CHN2: variants seen among roughly 807,000 people sequenced by gnomAD.
CHN2 encodes beta-chimaerin.
In CHN2, 35 loss-of-function variants were observed where a neutral mutation model predicts 56.3. The ratio of observed to expected loss-of-function variants is 0.62; its 90% CI spans 0.47 to 0.82. The LOEUF (loss-of-function observed/expected upper bound fraction) is 0.82, where lower values mean the gene tolerates loss of function less well. Ranked by LOEUF, CHN2 falls within the 40% of genes least tolerant of loss-of-function variation. The pLI, the probability that CHN2 is intolerant of heterozygous loss-of-function variation, is 0.00. For synonymous variants in CHN2, 210 were observed against 212.8 expected (o/e 0.99, Z 0.12); for missense variants, 491 against 580.5 (o/e 0.85, Z 1.58).
chr7:29,206,335 G>C (rs1707891891), intron 1 of CHN2, among the ~76,000 whole-genome samples: 1 of 152,112 alleles, frequency 6.6e-6, no homozygotes, highest in Admixed American at 6.5e-5. Flanking sequence ...AGGCTGGAGT[G>C]CAGTGGCATG....
intron 2 of CHN2, among the ~76,000 whole-genome samples, chr7:29,165,485 A>G (rs972343278): frequency 6.6e-6 from 1 of 152,102 alleles, no homozygotes; most frequent in Admixed American, 6.6e-5. Flanking sequence ...TTCCACAGTC[A>G]TGTTGTCTGT....
intron 6 of CHN2, 192 bp downstream of exon 6, chr7:29,401,020 T>A: frequency 1.7e-6 from 1 of 603,774 alleles, no homozygotes; most frequent in Non-Finnish European, 2.9e-6. Flanking sequence ...ATGCCTGTAA[T>A]CTCTTTGGGA....
At chr7:29,496,408 G>C (rs1308151581) in intron 8 of CHN2, among the ~76,000 whole-genome samples, 1 of 151,696 alleles carries the variant, frequency 6.6e-6, no homozygotes, top group Non-Finnish European at 1.5e-5. Flanking sequence ...CATAAAAATA[G>C]TAATAGTGCT....
intron 6 of CHN2, among the ~76,000 whole-genome samples, chr7:29,454,574 A>T (rs1184831016): frequency 6.6e-6 from 1 of 152,216 alleles, no homozygotes; most frequent in Non-Finnish European, 1.5e-5. Context: ...TGTCAGTGGC[A>T]AAGCATCAAA....
At chr7:29,212,634 A>G in intron 1 of CHN2, 1 of 1,417,836 alleles carries the variant, frequency 7.1e-7, no homozygotes, top group Non-Finnish European at 1.0e-6. Flanking sequence ...GTACTCAATG[A>G]TAGATTTCAG....
chr7:29,466,361 T>C (rs555821525), intron 6 of CHN2, among the ~76,000 whole-genome samples: 26 of 152,340 alleles, frequency 1.7e-4, no homozygotes, highest in Admixed American at 2.6e-4. Flanking sequence ...TATATGAACA[T>C]GATAATATTC....
intron 3 of CHN2, among the ~76,000 whole-genome samples, chr7:29,383,425 T>G (rs1800675697): frequency 1.3e-5 from 2 of 152,178 alleles, no homozygotes; most frequent in South Asian, 4.1e-4. Context: ...CCTCTGCCTC[T>G]TTGTTTTATT....
chr7:29,191,860 C>A (rs1782932895), upstream of CHN2: 2 of 152,166 alleles, frequency 1.3e-5, no homozygotes, highest in Admixed American at 1.3e-4. Flanking sequence ...GGTCCCTGAG[C>A]CTACCAAAGA....
At chr7:29,212,730 A>G in intron 1 of CHN2, 1 of 1,608,220 alleles carries the variant, frequency 6.2e-7, no homozygotes, top group Non-Finnish European at 8.5e-7. Context: ...ACCTGGTTCT[A>G]GAACCAGAGA....
At chr7:29,221,868 G>A (rs139710023) in intron 1 of CHN2, among the ~76,000 whole-genome samples, 16 of 152,224 alleles carry the variant, frequency 1.1e-4, no homozygotes, top group African/African-American at 3.9e-4. Flanking sequence ...TCATTGATGG[G>A]CATTTGGGTT....
In CHN2 at chr7:29,298,017, A is replaced by G. The variant is rs537295941; in HGVS notation, c.50-56608A>G. Among the ~76,000 whole-genome samples, 358 of 152,246 alleles carry G rather than the reference A, an allele frequency of 2.4e-3. 1 individual carries two copies. The highest frequency in any genetic ancestry group is 8.3e-3 in the African/African-American group (346 of 41,526). On this transcript the variant is annotated intron_variant, in intron 1 of 12. Transcript: ENST00000222792. ...GGGGTTCGTGAGGGAGAGAAGGAAG[A>G]GCATCTTCCTTGCATCCCCGAGGCC...
intron 1 of CHN2, among the ~76,000 whole-genome samples, chr7:29,338,466 A>G (rs1191595366): frequency 1.3e-5 from 2 of 152,242 alleles, no homozygotes; most frequent in East Asian, 1.9e-4. Context: ...CAGCTTCACT[A>G]TATGATTAAT....
At chr7:29,379,572 A>C (rs1435420762) in intron 3 of CHN2, among the ~76,000 whole-genome samples, 1 of 152,234 alleles carries the variant, frequency 6.6e-6, no homozygotes, top group Non-Finnish European at 1.5e-5. Context: ...AATAGTAAAA[A>C]TGCTGTAGAA....
At chr7:29,507,122 C>G (rs1281059730) in intron 10 of CHN2, 106 bp from the exon 11 acceptor site, 2 of 1,045,774 alleles carry the variant, frequency 1.9e-6, no homozygotes, top group Non-Finnish European at 2.7e-6. Flanking sequence ...TTAGCTGAGA[C>G]TTGTCAGGGA....
chr7:29,407,505 C>T (rs1172511409), intron 6 of CHN2, among the ~76,000 whole-genome samples: 3 of 152,128 alleles, frequency 2.0e-5, no homozygotes, highest in Non-Finnish European at 4.4e-5. Flanking sequence ...ACTTGCATTA[C>T]AGGGTCTAAA....
At chr7:29,151,622 C>T (rs534270002) in intron 2 of CHN2, among the ~76,000 whole-genome samples, 6 of 152,226 alleles carry the variant, frequency 3.9e-5, no homozygotes, top group South Asian at 2.1e-4. Context: ...ATCAGCCCTG[C>T]GAGGTATATA....
At chr7:29,192,295 C>G (rs188251654), upstream of CHN2, 27 of 152,302 alleles carry the variant, frequency 1.8e-4, no homozygotes, top group African/African-American at 6.0e-4. Context: ...TACCCCCGTC[C>G]CTTCATCTGT....
chr7:29,294,786 G>C (rs1198063504), intron 1 of CHN2, among the ~76,000 whole-genome samples: 2 of 152,150 alleles, frequency 1.3e-5, no homozygotes, highest in Non-Finnish European at 2.9e-5. Context: ...CTGTTCTCAC[G>C]TATGTTTTTG....
chr7:29,405,164 T>TACAGACACACACAC (rs1802533113), intron 6 of CHN2, among the ~76,000 whole-genome samples: 1 of 105,128 alleles, frequency 9.5e-6, no homozygotes, highest in East Asian at 3.2e-4. Context: ...TATGTCACCA[T>TACAGACACACACAC]ACACACACAC....
Sources: allele counts gnomAD v4.1 joint callset (sites outside exome capture counted in the v4.1 genomes callset), GRCh38; gene constraint gnomAD v4.1.1; transcripts MANE v1.5; gene names NCBI Gene and HGNC (gene_info 2026-07-23, HGNC 2026-07-21).